The following PIK3C2G variants were observed in gnomAD, a reference collection of about 807,000 sequenced individuals.
The protein encoded by PIK3C2G is phosphatidylinositol 3-kinase C2 domain-containing subunit gamma.
A neutral mutation model predicts 181.1 loss-of-function variants in PIK3C2G; 168 were observed. The ratio of observed to expected loss-of-function variants is 0.93; its 90% CI spans 0.82 to 1.05. The LOEUF (loss-of-function observed/expected upper bound fraction) is 1.05, where lower values mean the gene tolerates loss of function less well. Among genes scored for constraint, PIK3C2G ranks in the 50% least tolerant of loss-of-function variants. PIK3C2G has a pLI of 0.00. For missense variants in PIK3C2G, 1,869 were observed against 1,732.8 expected (o/e 1.08, Z -1.40); for synonymous variants, 573 against 592.2 (o/e 0.97, Z 0.47).
the PIK3C2G span, among the ~76,000 whole-genome samples, chr12:18,697,808 T>C: frequency 6.7e-6 from 1 of 150,072 alleles, no homozygotes; most frequent in Non-Finnish European, 1.5e-5. Context: ...CATTATTTTT[T>C]AATGATTTTC....
the PIK3C2G span, among the ~76,000 whole-genome samples, chr12:18,676,878 C>G: frequency 6.6e-6 from 1 of 152,208 alleles, no homozygotes; most frequent in Admixed American, 6.5e-5. Flanking sequence ...ATAATAATAA[C>G]AGGAAGATCT....
intron 19 of PIK3C2G, among the ~76,000 whole-genome samples, chr12:18,489,112 C>T (rs1940327055): frequency 6.6e-6 from 1 of 151,952 alleles, no homozygotes; most frequent in South Asian, 2.1e-4. Flanking sequence ...AAATATGTGC[C>T]TCTTTCTCAG....
intron 16 of PIK3C2G, among the ~76,000 whole-genome samples, chr12:18,405,581 G>A (rs1345658686): frequency 6.6e-6 from 1 of 150,576 alleles, no homozygotes; most frequent in Non-Finnish European, 1.5e-5. Context: ...TGAAAAAAAA[G>A]TGACCAAAAG....
At chr12:18,573,076 A>G (rs1946052539) in intron 29 of PIK3C2G, among the ~76,000 whole-genome samples, 1 of 152,154 alleles carries the variant, frequency 6.6e-6, no homozygotes, top group African/African-American at 2.4e-5. Context: ...TAATGTTTCT[A>G]CTGATTTTCA....
rs1289108235 is a variant in PIK3C2G, at chr12:18,292,225, AAAATATATATATATATATAT to A, written c.919+1215_919+1234del. ...AACTCCATCTCAAAAAAAAAAAAAA[AAAATATATATATATATATAT>A]ATATATATATGGATTTATTATAGAA... On this transcript the variant is annotated intron_variant, in intron 4 of 32. Transcript: ENST00000538779. Among the ~76,000 whole-genome samples, 30 of 55,366 alleles carry A rather than the reference AAAATATATATATATATATAT, an allele frequency of 5.4e-4. 1 individual carries two copies. Among genetic ancestry groups the A allele is most frequent in the African/African-American group, 2.3e-3 (30 of 12,864 alleles). The allele number at this position is 55,366 out of a possible 152,430, so 36.3% of individuals were successfully genotyped here. A position where few individuals can be genotyped will look rare whatever the true frequency, so the allele number is the denominator to read the frequency against.
At chr12:18,265,240 T>C (rs973687194) in intron 1 of PIK3C2G, among the ~76,000 whole-genome samples, 1 of 152,208 alleles carries the variant, frequency 6.6e-6, no homozygotes, top group Non-Finnish European at 1.5e-5. Flanking sequence ...ATACTTGGTT[T>C]CTGATGTGAG....
At chr12:18,551,119 T>G (rs1312863844) in intron 26 of PIK3C2G, among the ~76,000 whole-genome samples, 2 of 152,074 alleles carry the variant, frequency 1.3e-5, no homozygotes, top group Non-Finnish European at 2.9e-5. Context: ...ATTGGTTTGC[T>G]GGCCACAAAT....
intron 26 of PIK3C2G, 33 bp downstream of exon 26, chr12:18,546,465 G>A: frequency 8.9e-7 from 1 of 1,127,768 alleles, no homozygotes; most frequent in Non-Finnish European, 1.3e-6. Flanking sequence ...GAGCATGCAT[G>A]CATGAATGTA....
chr12:18,719,572 C>T, the PIK3C2G span: 2 of 1,605,572 alleles, frequency 1.2e-6, no homozygotes, highest in Non-Finnish European at 1.7e-6. Flanking sequence ...AAACAGTAGA[C>T]ATTCACGTGA....
At chr12:18,540,530 A>G (rs1374339761) in intron 25 of PIK3C2G, among the ~76,000 whole-genome samples, 5 of 152,012 alleles carry the variant, frequency 3.3e-5, no homozygotes, top group Admixed American at 3.3e-4. Flanking sequence ...CAAAGCATTC[A>G]GCATAAGAGT....
At position 18,538,153 on chromosome 12, in the gene PIK3C2G, C is replaced by A; in HGVS notation, c.3324-3C>A. On this transcript the variant is annotated splice_region_variant and splice_polypyrimidine_tract_variant and intron_variant, in intron 24 of 32. Coordinates refer to ENST00000538779, the MANE Select transcript of PIK3C2G (RefSeq NM_001288772.2). ...AATGATTGCTACTGTTTTTGGTTTACAGGGACCGAGCTCCTTTCATTTTTA... is the reference window on the plus strand; with the variant it reads ...AATGATTGCTACTGTTTTTGGTTTAAAGGGACCGAGCTCCTTTCATTTTTA... The A allele has an allele frequency of 6.2e-7, 1 of 1,608,140 alleles. No homozygotes were observed. Among genetic ancestry groups the A allele is most frequent in the Non-Finnish European group, 8.5e-7 (1 of 1,177,466 alleles).
intron 24 of PIK3C2G, among the ~76,000 whole-genome samples, chr12:18,530,372 C>G (rs1370200828): frequency 2.6e-5 from 4 of 152,142 alleles, no homozygotes; most frequent in Admixed American, 1.3e-4. Flanking sequence ...GAATATTTAT[C>G]CTTTCCCTCT....
At chr12:18,684,103 C>A in the PIK3C2G span, 2 of 1,607,758 alleles carry the variant, frequency 1.2e-6, no homozygotes, top group Non-Finnish European at 1.7e-6. Flanking sequence ...AATGCTGGTA[C>A]AATCATCTAA....
chr12:18,504,616 T>G (rs1941705085), intron 23 of PIK3C2G, among the ~76,000 whole-genome samples: 1 of 152,106 alleles, frequency 6.6e-6, no homozygotes. Flanking sequence ...CACCACCAAG[T>G]TGATGAAATG....
intron 5 of PIK3C2G, among the ~76,000 whole-genome samples, chr12:18,298,695 C>A (rs922756851): frequency 5.3e-5 from 8 of 151,740 alleles, no homozygotes; most frequent in Admixed American, 5.3e-4. Flanking sequence ...AGGTTTAAGT[C>A]TTTAATGTAC....
chr12:18,695,077 C>G, the PIK3C2G span: 1 of 1,612,058 alleles, frequency 6.2e-7, no homozygotes, highest in Admixed American at 1.7e-5. Flanking sequence ...AAATTTAAAG[C>G]CACTGTAAGA....
intron 18 of PIK3C2G, among the ~76,000 whole-genome samples, chr12:18,432,873 A>C (rs1946238845): frequency 6.6e-6 from 1 of 152,156 alleles, no homozygotes; most frequent in Non-Finnish European, 1.5e-5. Context: ...CCCAATTCAG[A>C]TTTCTTTCTA....
intron 7 of PIK3C2G, among the ~76,000 whole-genome samples, chr12:18,321,630 T>G (rs1480205342): frequency 6.6e-6 from 1 of 152,064 alleles, no homozygotes; most frequent in East Asian, 1.9e-4. Flanking sequence ...GAGGTACAGG[T>G]CATAAATCTC....
intron 8 of PIK3C2G, among the ~76,000 whole-genome samples, chr12:18,332,822 C>T (rs767250945): frequency 5.3e-5 from 8 of 152,082 alleles, no homozygotes; most frequent in Non-Finnish European, 1.0e-4. Flanking sequence ...GACAGAGCGC[C>T]GTAACTGTCT....
Sources: allele counts gnomAD v4.1 joint callset (sites outside exome capture counted in the v4.1 genomes callset), GRCh38; gene constraint gnomAD v4.1.1; transcripts MANE v1.5; gene names NCBI Gene and HGNC (gene_info 2026-07-23, HGNC 2026-07-21).